RIMS1: variants seen among roughly 807,000 people sequenced by gnomAD.
RIMS1 encodes the protein regulating synaptic membrane exocytosis protein 1.
A neutral mutation model predicts 214.1 loss-of-function variants in RIMS1; 83 were observed. The ratio of observed to expected loss-of-function variants is 0.39; its 90% CI spans 0.32 to 0.47. The LOEUF is 0.47. Ranked by LOEUF, RIMS1 falls within the 20% of genes least tolerant of loss-of-function variation. RIMS1 has a pLI of 0.99. For missense variants in RIMS1, 2,050 were observed against 2,161.8 expected, an observed-to-expected ratio of 0.95 and a Z score of 1.03; for synonymous variants, 793 against 786.8, an observed-to-expected ratio of 1.01 and a Z score of -0.13.
At chr6:72,027,063 A>C (rs1369553032) in intron 2 of RIMS1, among the ~76,000 whole-genome samples, 1 of 152,216 alleles carries the variant, frequency 6.6e-6, no homozygotes, top group Non-Finnish European at 1.5e-5. Context: ...ATAAATATGA[A>C]TGATTTAAAA....
chr6:71,918,859 C>T (rs1779178400), intron 1 of RIMS1, among the ~76,000 whole-genome samples: 1 of 151,976 alleles, frequency 6.6e-6, no homozygotes, highest in Non-Finnish European at 1.5e-5. Flanking sequence ...GAGTGAAAGG[C>T]GTTTGCTTGG....
chr6:72,036,144 A>G (rs1585337572), intron 2 of RIMS1, among the ~76,000 whole-genome samples: 1 of 152,162 alleles, frequency 6.6e-6, no homozygotes, highest in Non-Finnish European at 1.5e-5. Context: ...GTCTCTTAGC[A>G]TGACTGTGGC....
chr6:71,890,570 T>TAAAA lies in RIMS1; in HGVS notation c.164+3407_164+3410dup, dbSNP rs3076604. On this transcript the variant is annotated intron_variant, in intron 1 of 33. Transcript: ENST00000521978. ...AGATCTAGGATCTTACTCCTTTTTG[T>TAAAA]AAAAAAAAAAAAAAAAAAAAAAAAA... Among the ~76,000 whole-genome samples the TAAAA allele has an allele frequency of 2.1e-3, 171 of 81,472 alleles. 7 individuals are homozygous for TAAAA. The highest frequency in any genetic ancestry group is 6.5e-3 in the African/African-American group (116 of 17,912). The allele number at this position is 81,472 out of a possible 152,430, so 53.4% of individuals were successfully genotyped here.
intron 4 of RIMS1, among the ~76,000 whole-genome samples, chr6:72,169,341 AG>A (rs1453422153): frequency 1.9e-4 from 29 of 152,302 alleles, no homozygotes; most frequent in African/African-American, 6.0e-4. Flanking sequence ...AGAGGGCTTG[AG>A]ATCAAAATAT....
intron 26 of RIMS1, among the ~76,000 whole-genome samples, chr6:72,296,886 G>C (rs1388765798): frequency 6.6e-6 from 1 of 151,724 alleles, no homozygotes; most frequent in African/African-American, 2.4e-5. Flanking sequence ...GTCAGTAGTA[G>C]ACTACAAACC....
intron 4 of RIMS1, among the ~76,000 whole-genome samples, chr6:72,131,827 A>G (rs149031034): frequency 2.6e-5 from 4 of 152,264 alleles, no homozygotes; most frequent in African/African-American, 9.6e-5. Flanking sequence ...TCGACCATAA[A>G]AGATGACCAC....
intron 19 of RIMS1, chr6:72,262,073 C>CA (rs889432793): frequency 1.0e-6 from 1 of 984,160 alleles, no homozygotes; most frequent in Non-Finnish European, 1.2e-6. Context: ...AAAACAAACA[C>CA]AAAAAAAATC....
intron 4 of RIMS1, among the ~76,000 whole-genome samples, chr6:72,176,456 T>C (rs1562498045): frequency 6.6e-6 from 1 of 152,218 alleles, no homozygotes; most frequent in South Asian, 2.1e-4. Context: ...TGTAATCTTA[T>C]ATATTTTTCT....
intron 26 of RIMS1, among the ~76,000 whole-genome samples, chr6:72,299,515 A>G (rs2094418599): frequency 6.6e-6 from 1 of 151,796 alleles, no homozygotes; most frequent in South Asian, 2.1e-4. Context: ...GATTGTCTCT[A>G]GTCAACTATA....
chr6:72,318,710 A>G (rs542917935), intron 28 of RIMS1, among the ~76,000 whole-genome samples: 1 of 152,266 alleles, frequency 6.6e-6, no homozygotes. Flanking sequence ...TTAGACTGAG[A>G]CACACGTTTT....
chr6:72,124,122 T>C (rs1359890478), intron 4 of RIMS1, among the ~76,000 whole-genome samples: 1 of 151,874 alleles, frequency 6.6e-6, no homozygotes, highest in Non-Finnish European at 1.5e-5. Context: ...AGTTGTTCCT[T>C]TCCGTGTTTA....
intron 2 of RIMS1, among the ~76,000 whole-genome samples, chr6:72,037,661 A>G (rs992204471): frequency 1.3e-5 from 2 of 152,062 alleles, no homozygotes; most frequent in Non-Finnish European, 1.5e-5. Context: ...ATCACCTTCA[A>G]AAGTTTTCTT....
intron 2 of RIMS1, among the ~76,000 whole-genome samples, chr6:72,036,660 AC>A (rs139134164): frequency 0.12 from 17,920 of 152,260 alleles, 1,215 homozygotes; most frequent in South Asian, 0.17. Context: ...AGCAGCAACC[AC>A]ATATTTAACA....
intron 6 of RIMS1, among the ~76,000 whole-genome samples, chr6:72,205,893 T>C (rs527836809): frequency 6.6e-6 from 1 of 152,272 alleles, no homozygotes; most frequent in East Asian, 1.9e-4. Flanking sequence ...TATATTGTTA[T>C]ATTTAATGAC....
At chr6:72,022,321 C>T (rs1814955178) in intron 2 of RIMS1, among the ~76,000 whole-genome samples, 1 of 152,150 alleles carries the variant, frequency 6.6e-6, no homozygotes, top group African/African-American at 2.4e-5. Flanking sequence ...GTTCTCCCAA[C>T]AAGATGGAGT....
At chr6:72,018,667 A>T (rs566183138) in intron 2 of RIMS1, among the ~76,000 whole-genome samples, 1 of 152,242 alleles carries the variant, frequency 6.6e-6, no homozygotes, top group South Asian at 2.1e-4. Context: ...GCCGTGGGAC[A>T]TTTCTCCATT....
chr6:72,088,717 T>C (rs571314341), intron 2 of RIMS1, among the ~76,000 whole-genome samples: 1 of 152,170 alleles, frequency 6.6e-6, no homozygotes, highest in East Asian at 1.9e-4. Context: ...TTCATTTTGG[T>C]GCAAGAAAGT....
rs1295389489 is a variant in RIMS1 at position 72,077,088 on chromosome 6, C to T, written c.246-19861C>T. On this transcript the variant is annotated intron_variant, in intron 2 of 33. Transcript: ENST00000521978. ...AGCTCTTTCCTGTCCAGCCTTTGCA[C>T]GGGCTGCTCCATCTGCCTGGAATCC... Among the ~76,000 whole-genome samples, 11 of 152,282 alleles carry T rather than the reference C, an allele frequency of 7.2e-5. No individual in the cohort carries two copies. In the East Asian group the frequency reaches 1.4e-3, roughly 19 times the overall value.
At chr6:72,054,676 A>G (rs1191223508) in intron 2 of RIMS1, among the ~76,000 whole-genome samples, 1 of 152,170 alleles carries the variant, frequency 6.6e-6, no homozygotes, top group Non-Finnish European at 1.5e-5. Flanking sequence ...TCTAGAGATC[A>G]GTGATAATGA....
Sources: gnomAD v4.1 joint callset for allele counts (sites outside exome capture counted in the v4.1 genomes callset) on GRCh38, gnomAD v4.1.1 for gene constraint, MANE v1.5 for transcripts, NCBI Gene and HGNC (gene_info 2026-07-23, HGNC 2026-07-21) for gene names.